CDC42: variants seen among roughly 807,000 people sequenced by gnomAD.
The protein encoded by CDC42 is cell division control protein 42 homolog.
CDC42 carries 1 observed loss-of-function variant against 20.8 expected under a neutral mutation model. The ratio of observed to expected loss-of-function variants is 0.05; its 90% CI spans 0.02 to 0.23. CDC42 has a LOEUF of 0.23. Among genes scored for constraint, CDC42 ranks in the 10% least tolerant of loss-of-function variants. The pLI is 1.00. For synonymous variants in CDC42, 72 were observed against 84.8 expected (o/e 0.85, Z 0.83); for missense variants, 49 against 227.9 (o/e 0.21, Z 5.05).
intron 1 of CDC42, chr1:22,064,249 T>G (rs1377905958): frequency 6.6e-6 from 1 of 152,170 alleles, no homozygotes; most frequent in Non-Finnish European, 1.5e-5. Flanking sequence ...AAAATCTTAC[T>G]GTAATCTTTC....
At chr1:22,060,299 T>C (rs1645348902) in intron 1 of CDC42, among the ~76,000 whole-genome samples, 1 of 151,926 alleles carries the variant, frequency 6.6e-6, no homozygotes, top group East Asian at 1.9e-4. Flanking sequence ...GATGCACCAC[T>C]GTTCTCCAGC....
chr1:22,062,719 G>A (rs186079002), intron 1 of CDC42, among the ~76,000 whole-genome samples: 2 of 104,816 alleles, frequency 1.9e-5, no homozygotes, highest in African/African-American at 3.9e-5. Context: ...TAGTGAGACC[G>A]TGGCTCTATT....
chr1:22,087,424 G>A (rs1194932816), intron 5 of CDC42, among the ~76,000 whole-genome samples: 3 of 152,002 alleles, frequency 2.0e-5, no homozygotes, highest in Non-Finnish European at 1.5e-5. Context: ...CATGCATTCC[G>A]GCCGTTTTTG....
At chr1:22,089,257 A>G (rs1310414115) in intron 5 of CDC42, among the ~76,000 whole-genome samples, 2 of 152,120 alleles carry the variant, frequency 1.3e-5, no homozygotes, top group Non-Finnish European at 2.9e-5. Context: ...CTGTATCTTA[A>G]TCCCCGTAAG....
intron 1 of CDC42, among the ~76,000 whole-genome samples, chr1:22,055,867 GTTT>G (rs35437576): frequency 3.9e-5 from 5 of 126,688 alleles, no homozygotes; most frequent in Admixed American, 8.3e-5. Context: ...TTGTTTTAGA[GTTT>G]TTTTTTTTTT....
chr1:22,061,726 T>C (rs1473830674), intron 1 of CDC42, among the ~76,000 whole-genome samples: 1 of 150,682 alleles, frequency 6.6e-6, no homozygotes, highest in Non-Finnish European at 1.5e-5. Context: ...GTATTTTTAG[T>C]GGAGATGTTG....
At chr1:22,062,729 TTAAAAAAAAA>T (rs1557894120) in intron 1 of CDC42, among the ~76,000 whole-genome samples, 2 of 41,114 alleles carry the variant, frequency 4.9e-5, no homozygotes, top group Admixed American at 3.4e-4. Flanking sequence ...GTGGCTCTAT[TTAAAAAAAAA>T]AAAAAAAAAA....
At chr1:22,054,601 G>A (rs1368429216) in intron 1 of CDC42, among the ~76,000 whole-genome samples, 1 of 151,928 alleles carries the variant, frequency 6.6e-6, no homozygotes, top group Admixed American at 6.6e-5. Flanking sequence ...AATTCATGTC[G>A]AAACAAGTGC....
At chr1:22,088,027 C>G (rs1274811680) in intron 5 of CDC42, among the ~76,000 whole-genome samples, 1 of 152,092 alleles carries the variant, frequency 6.6e-6, no homozygotes, top group Non-Finnish European at 1.5e-5. Context: ...TTCTAATCCT[C>G]GTTTTTTTGG....
intron 5 of CDC42, among the ~76,000 whole-genome samples, chr1:22,088,951 A>T (rs907809286): frequency 1.3e-5 from 2 of 152,282 alleles, no homozygotes; most frequent in Admixed American, 1.3e-4. Context: ...GTCTAATGTG[A>T]CATGTGGGTA....
chr1:22,087,504 A>G lies in CDC42; in HGVS notation c.486+638A>G, dbSNP rs550589629. The stretch of plus-strand genomic sequence containing the variant: ...GATTTTGAAGATAGGGAGCAATGTT[A>G]GGGTATTTGGAATGGGACTTGTAAC... On this transcript the variant is annotated intron_variant, in intron 5 of 5. Coordinates refer to ENST00000656825, the MANE Select transcript of CDC42 (RefSeq NM_001791.4). Among the ~76,000 whole-genome samples, 6 of 152,316 alleles carry G rather than the reference A, an allele frequency of 3.9e-5. No individual in the cohort carries two copies. In the East Asian group the frequency reaches 7.7e-4, roughly 20 times the overall value.
At chr1:22,073,538 CAAA>C (rs879917377) in intron 1 of CDC42, among the ~76,000 whole-genome samples, 1 of 92,342 alleles carries the variant, frequency 1.1e-5, no homozygotes, top group Non-Finnish European at 2.3e-5. Context: ...AACTCTGTCT[CAAA>C]AAAAAAAAAA....
At chr1:22,078,970 C>A in intron 2 of CDC42, 1 of 658,310 alleles carries the variant, frequency 1.5e-6, no homozygotes. Flanking sequence ...GGTCCTGTAA[C>A]TTGAGAGAAA....
intron 2 of CDC42, chr1:22,078,953 C>G (rs1645579820): frequency 1.2e-5 from 9 of 778,722 alleles, no homozygotes; most frequent in Non-Finnish European, 1.5e-5. Context: ...CCTGGGATAC[C>G]ATTTGAGGTC....
chr1:22,099,058 A>G lies in CDC42; in HGVS notation c.*7541A>G, dbSNP rs896993979. Among the ~76,000 whole-genome samples the G allele has an allele frequency of 1.3e-5, 2 of 152,280 alleles. No individual in the cohort carries two copies. Among genetic ancestry groups the G allele is most frequent in the Non-Finnish European group, 2.9e-5 (2 of 68,004 alleles). On this transcript the variant is annotated 3_prime_UTR_variant, in exon 6 of 6. Coordinates refer to ENST00000656825, the MANE Select transcript of CDC42 (RefSeq NM_001791.4). ...CATTAGCCACTGTGCCCAGCTGGGTATGGATTTCTGAGTGGAGGGAATGTG... is the reference window on the plus strand; with the variant it reads ...CATTAGCCACTGTGCCCAGCTGGGTGTGGATTTCTGAGTGGAGGGAATGTG...
rs1449408978 is a variant in CDC42, at chr1:22,094,320, C to T, written c.*2803C>T. Among the ~76,000 whole-genome samples the T allele has an allele frequency of 1.3e-3, 2 of 1,520 alleles. No homozygotes were observed. Among genetic ancestry groups the T allele is most frequent in the East Asian group, 0.024 (1 of 42 alleles). The allele number at this position is 1,520 out of a possible 152,430, so 1.0% of individuals were successfully genotyped here. ...TTTTTTTTTTTTTTTTTTTTTGAGACGGAGTCTCGCTCTGTCGCCCAGGCT... is the reference window on the plus strand; with the variant it reads ...TTTTTTTTTTTTTTTTTTTTTGAGATGGAGTCTCGCTCTGTCGCCCAGGCT... On this transcript the variant is annotated 3_prime_UTR_variant, in exon 6 of 6. Transcript: ENST00000656825.
chr1:22,077,785 G>A (rs1025092141), intron 1 of CDC42, among the ~76,000 whole-genome samples: 1 of 152,190 alleles, frequency 6.6e-6, no homozygotes, highest in Admixed American at 6.6e-5. Flanking sequence ...TATAGTATCT[G>A]TTTATAAGTC....
chr1:22,098,657 G>A lies in CDC42; in HGVS notation c.*7140G>A, dbSNP rs1270284533. ...CTTCTTTAAAGCCCATCAGATTAAT[G>A]TGCCATTGGTTTGAAAACCATGACA... On this transcript the variant is annotated 3_prime_UTR_variant, in exon 6 of 6. Transcript: ENST00000656825. 2.6e-5 allele frequency among the ~76,000 whole-genome samples: 4 copies of A among 152,162 alleles called. No homozygotes were observed. The highest frequency in any genetic ancestry group is 9.7e-5 in the African/African-American group (4 of 41,434).
rs16826566 is a variant in CDC42 at position 22,092,873 on chromosome 1, A to T, written c.*1356A>T. On this transcript the variant is annotated 3_prime_UTR_variant, in exon 6 of 6. Transcript: ENST00000656825. Reference sequence around the variant, plus strand: ...TTGTAGATGCATTAGTGTTGAACCAATGCTTTCTCATGTCTCAATTCTTTG... The same window carrying T: ...TTGTAGATGCATTAGTGTTGAACCATTGCTTTCTCATGTCTCAATTCTTTG... 3 of 152,544 alleles carry T rather than the reference A, an allele frequency of 2.0e-5. No individual in the cohort carries two copies. The highest frequency in any genetic ancestry group is 7.2e-5 in the African/African-American group (3 of 41,416). The allele number at this position is 152,544 out of a possible 1,614,324, so 9.4% of individuals were successfully genotyped here.
Sources: gnomAD v4.1 joint callset for allele counts (sites outside exome capture counted in the v4.1 genomes callset) on GRCh38, gnomAD v4.1.1 for gene constraint, MANE v1.5 for transcripts, NCBI Gene and HGNC (gene_info 2026-07-23, HGNC 2026-07-21) for gene names.